The following SAR1B variants were observed in gnomAD, a reference collection of about 807,000 sequenced individuals.
The protein encoded by SAR1B is small COPII coat GTPase SAR1B.
Under a neutral mutation model 26.8 loss-of-function variants are expected in SAR1B, and 23 were observed. The observed-to-expected ratio is 0.86, with a 90% CI of 0.62 to 1.22. The LOEUF (loss-of-function observed/expected upper bound fraction) is 1.22, where lower values mean the gene tolerates loss of function less well. SAR1B is among the 50% of genes most tolerant of loss of function. SAR1B has a pLI of 0.00. For missense variants in SAR1B, 196 were observed against 232.8 expected (o/e 0.84, Z 1.03); for synonymous variants, 65 against 80.8 (o/e 0.80, Z 1.05).
chr5:134,601,289 G>A lies in SAR1B; in HGVS notation c.*5661C>T, dbSNP rs1261619577. On this transcript the variant is annotated 3_prime_UTR_variant, in exon 7 of 7. Coordinates refer to ENST00000402673, the MANE Select transcript of SAR1B (RefSeq NM_016103.4). ...TAACCATCTATTATAGCTCTTTGTT[G>A]TAAAACACACAAAGTTAAACAGAAA... 2.6e-5 allele frequency: 4 copies of A among 152,044 alleles called. No homozygotes were observed. The highest frequency in any genetic ancestry group is 4.8e-5 in the African/African-American group (2 of 41,376). 9.4% of individuals were successfully genotyped at this position (152,044 alleles called of 1,614,324 possible).
At chr5:134,630,787 AAAAAAAG>A (rs1439941625) in intron 1 of SAR1B, among the ~76,000 whole-genome samples, 4 of 151,238 alleles carry the variant, frequency 2.6e-5, no homozygotes, top group Admixed American at 6.6e-5. Context: ...TCAAAAAAAA[AAAAAAAG>A]AAAAAAGAAA....
At chr5:134,615,538 G>T (rs1310957292) in intron 3 of SAR1B, among the ~76,000 whole-genome samples, 1 of 151,516 alleles carries the variant, frequency 6.6e-6, no homozygotes. Context: ...ATTCTGGGCC[G>T]GGGGCGGTGG....
chr5:134,609,755 T>C (rs1454947509), intron 4 of SAR1B, 81 bp from the exon 5 acceptor site: 1 of 1,017,788 alleles, frequency 9.8e-7, no homozygotes, highest in Non-Finnish European at 1.5e-6. Flanking sequence ...CAACCAGATA[T>C]CAAGTGCGGT....
chr5:134,607,051 T>G lies in SAR1B; in HGVS notation c.496A>C (p.Lys166Gln), dbSNP rs1765140597. The G allele has an allele frequency of 1.2e-6, 2 of 1,609,406 alleles. No individual in the cohort carries two copies. Among genetic ancestry groups the G allele is most frequent in the Non-Finnish European group, 1.7e-6 (2 of 1,175,776 alleles). The change falls in exon 7 of 7, where the codon AAA (lysine) becomes CAA (glutamine). Residue 166 changes from lysine to glutamine, a missense_variant. Transcript: ENST00000402673. ...QTTGKGSISL[K>Q]ELNARPLEVF... The stretch of plus-strand genomic sequence containing the variant: ...TCTAAGGGTCGGGCATTCAGTTCTT[T>G]CAGAGATATACTCCCCTAGAATAGA...
rs1311143725 is a variant in SAR1B, at chr5:134,623,950, G to C, written c.58+12C>G. 6.3e-7 allele frequency: 1 copy of C among 1,578,098 alleles called. No homozygotes were observed. The highest frequency in any genetic ancestry group is 1.7e-5 in the Admixed American group (1 of 59,908). ...AAGGGGATAACTGTAGAGAACAAAGGACCAACATTACCTAAAAACTGTAGC... is the reference window on the plus strand; with the variant it reads ...AAGGGGATAACTGTAGAGAACAAAGCACCAACATTACCTAAAAACTGTAGC... On this transcript the variant is annotated intron_variant, in intron 2 of 6. Transcript: ENST00000402673.
At chr5:134,620,565 C>CA (rs1306819876) in intron 3 of SAR1B, among the ~76,000 whole-genome samples, 1 of 152,074 alleles carries the variant, frequency 6.6e-6, no homozygotes, top group Non-Finnish European at 1.5e-5. Context: ...AAATGCCCCC[C>CA]AAACAAAAAA....
At chr5:134,620,254 G>A (rs188069649) in intron 3 of SAR1B, among the ~76,000 whole-genome samples, 136 of 151,582 alleles carry the variant, frequency 9.0e-4, no homozygotes, top group Middle Eastern at 3.4e-3. Flanking sequence ...TACAGTGAGC[G>A]GAGGTCGTGC....
chr5:134,606,601 A>C lies in SAR1B; in HGVS notation c.*349T>G. On this transcript the variant is annotated 3_prime_UTR_variant, in exon 7 of 7. Transcript: ENST00000402673. ...CTAGTTCCAGAAAAGTACATAAAAA[A>C]TTTAACATGATGAGCTTTTAAATAT... 1 of 239,564 alleles carries C rather than the reference A, an allele frequency of 4.2e-6. No individual in the cohort carries two copies. Among genetic ancestry groups the C allele is most frequent in the South Asian group, 5.5e-5 (1 of 18,266 alleles). 14.8% of individuals were successfully genotyped at this position (239,564 alleles called of 1,614,324 possible). A position where few individuals can be genotyped will look rare whatever the true frequency, so the allele number is the denominator to read the frequency against.
At chr5:134,628,658 A>C (rs970219784) in intron 1 of SAR1B, among the ~76,000 whole-genome samples, 1 of 151,842 alleles carries the variant, frequency 6.6e-6, no homozygotes, top group African/African-American at 2.4e-5. Flanking sequence ...TCTAAAAAAA[A>C]AATTTTTTTT....
At chr5:134,617,185 T>C (rs1405126647) in intron 3 of SAR1B, among the ~76,000 whole-genome samples, 2 of 152,066 alleles carry the variant, frequency 1.3e-5, no homozygotes, top group East Asian at 3.8e-4. Context: ...TGAGCCGCGA[T>C]TGTGCCATTG....
intron 3 of SAR1B, among the ~76,000 whole-genome samples, chr5:134,620,155 A>T (rs991783112): frequency 6.6e-6 from 1 of 151,950 alleles, no homozygotes; most frequent in African/African-American, 2.4e-5. Flanking sequence ...AAATACAAAA[A>T]ATTAGCCGGG....
At chr5:134,613,735 A>G (rs1416920245) in intron 3 of SAR1B, 2 of 152,232 alleles carry the variant, frequency 1.3e-5, no homozygotes, top group African/African-American at 2.4e-5. Flanking sequence ...GACATAAGAC[A>G]GTCTTTAATT....
intron 2 of SAR1B, among the ~76,000 whole-genome samples, chr5:134,621,463 ACTCTGTCT>A (rs1329389570): frequency 2.8e-5 from 4 of 141,250 alleles, no homozygotes; most frequent in Non-Finnish European, 6.0e-5. Context: ...ACAAAGTGAG[ACTCTGTCT>A]CAAAAAATAA....
At chr5:134,613,521 T>A (rs1765255905) in intron 3 of SAR1B, 1 of 152,200 alleles carries the variant, frequency 6.6e-6, no homozygotes, top group Admixed American at 6.6e-5. Context: ...ATACTGACAA[T>A]ATAACAAATA....
In SAR1B at chr5:134,605,649, T is replaced by A. The variant is rs1349572440; in HGVS notation, c.*1301A>T. The stretch of plus-strand genomic sequence containing the variant: ...GTGAAACCCCGTCTCTAAAACAAAA[T>A]GAAACAGAGCAAAAAAAAAAAAAAA... On this transcript the variant is annotated 3_prime_UTR_variant, in exon 7 of 7. Transcript: ENST00000402673. 2.2e-4 allele frequency: 5 copies of A among 22,910 alleles called. No individual in the cohort carries two copies. The highest frequency in any genetic ancestry group is 5.2e-4 in the Admixed American group (1 of 1,938). 1.4% of individuals were successfully genotyped at this position (22,910 alleles called of 1,614,324 possible).
rs35665930 is a variant in SAR1B at position 134,607,772 on chromosome 5, C to CAA, written c.480+598_480+599dup. ...GGGCAACAAGAGCAAAACTCCATCTCAAAAAAAAAAAAAAAGAGCCTCCTG... is the reference window on the plus strand; with the variant it reads ...GGGCAACAAGAGCAAAACTCCATCTCAAAAAAAAAAAAAAAAAGAGCCTCCTG... On this transcript the variant is annotated intron_variant, in intron 6 of 6. Coordinates refer to ENST00000402673, the MANE Select transcript of SAR1B (RefSeq NM_016103.4). Among the ~76,000 whole-genome samples, 107 of 99,700 alleles carry CAA rather than the reference C, an allele frequency of 1.1e-3. 1 individual carries two copies. Among genetic ancestry groups the CAA allele is most frequent in the South Asian group, 7.3e-3 (23 of 3,158 alleles). The allele number at this position is 99,700 out of a possible 152,430, so 65.4% of individuals were successfully genotyped here.
intron 3 of SAR1B, 126 bp from the exon 4 acceptor site, chr5:134,612,882 CT>C: frequency 4.8e-6 from 4 of 827,058 alleles, no homozygotes; most frequent in Non-Finnish European, 7.7e-6. Flanking sequence ...AGTAACTTCT[CT>C]TAGAAGCAAA....
Position 134,606,538 on chromosome 5 carries a change from A to G in SAR1B, c.*412T>C. 4.7e-6 allele frequency: 1 copy of G among 212,672 alleles called. No individual in the cohort carries two copies. The highest frequency in any genetic ancestry group is 9.7e-6 in the Non-Finnish European group (1 of 103,060). 13.2% of individuals were successfully genotyped at this position (212,672 alleles called of 1,614,324 possible). ...TGAATAAGCTAATTATTAACTGTAC[A>G]CTTAAGATAGGTGGACATATAATCT... is the stretch of plus-strand genomic sequence containing the variant. On this transcript the variant is annotated 3_prime_UTR_variant, in exon 7 of 7. Transcript: ENST00000402673.
At chr5:134,626,774 G>T (rs1765501338) in intron 1 of SAR1B, among the ~76,000 whole-genome samples, 1 of 152,092 alleles carries the variant, frequency 6.6e-6, no homozygotes, top group Admixed American at 6.6e-5. Flanking sequence ...GTATATTAGT[G>T]GTTGTCAGAC....
Sources: allele counts gnomAD v4.1 joint callset (sites outside exome capture counted in the v4.1 genomes callset), GRCh38; gene constraint gnomAD v4.1.1; transcripts MANE v1.5; gene names NCBI Gene and HGNC (gene_info 2026-07-23, HGNC 2026-07-21).